The following LRRC43 variants were observed in gnomAD, a reference collection of about 807,000 sequenced individuals.
LRRC43 encodes the protein leucine rich repeat containing 43, also known as leucine-rich repeat-containing protein 43.
Under a neutral mutation model 64.3 loss-of-function variants are expected in LRRC43, and 62 were observed. That is an observed-to-expected ratio of 0.96 (90% CI 0.79 to 1.19). The LOEUF (loss-of-function observed/expected upper bound fraction) is 1.19. Among genes scored for constraint, LRRC43 ranks in the 50% most tolerant of loss-of-function variants. The probability of loss-of-function intolerance (pLI) is 0.00; values close to 1 mark genes in which losing one functional copy is unlikely to be tolerated. For synonymous variants in LRRC43, 422 were observed against 382.3 expected (o/e 1.10, Z -1.21); for missense variants, 868 against 845.0 (o/e 1.03, Z -0.34).
chr12:122,191,835 G>A (rs1474294978), intron 6 of LRRC43, among the ~76,000 whole-genome samples: 2 of 152,000 alleles, frequency 1.3e-5, no homozygotes, highest in African/African-American at 4.8e-5. Context: ...TGTATTTTTA[G>A]TAGAGATGAG....
At chr12:122,199,922 C>T (rs144052996) in intron 7 of LRRC43, among the ~76,000 whole-genome samples, 284 of 152,320 alleles carry the variant, frequency 1.9e-3, no homozygotes, top group African/African-American at 5.9e-3. Context: ...TGCTGCCTTT[C>T]GGTTGGTTTC....
chr12:122,183,205 C>A lies in LRRC43; in HGVS notation c.61C>A (p.Arg21=). 6.4e-7 allele frequency: 1 copy of A among 1,562,624 alleles called. No homozygotes were observed. The highest frequency in any genetic ancestry group is 1.4e-5 in the African/African-American group (1 of 72,200). ...SESEAGPGTQ[R]PGTGTVSAAV... ...GTCTGAGGCCGGGCCTGGGACTCAG[C>A]GGCCCGGGACCGGGACCGTGAGCGC... Residue 21 remains arginine (R), a synonymous_variant, in exon 1 of 12, where the codon CGG becomes AGG. Transcript: ENST00000339777.
chr12:122,188,398 T>C (rs1953672888), intron 4 of LRRC43, among the ~76,000 whole-genome samples: 2 of 149,954 alleles, frequency 1.3e-5, no homozygotes, highest in Non-Finnish European at 1.5e-5. Flanking sequence ...TGAGCCACTG[T>C]GCCCGGCCTA....
chr12:122,177,449 T>C (rs1953545632), intron 1 of LRRC43, among the ~76,000 whole-genome samples: 1 of 151,436 alleles, frequency 6.6e-6, no homozygotes, highest in African/African-American at 2.4e-5. Context: ...ATGCTAGACT[T>C]TGACCTACAA....
chr12:122,201,757 A>C (rs772290854), intron 11 of LRRC43, among the ~76,000 whole-genome samples: 72 of 152,278 alleles, frequency 4.7e-4, no homozygotes, highest in South Asian at 8.3e-4. Flanking sequence ...AGGGAGAGAA[A>C]GGAGACAGGG....
intron 1 of LRRC43, 113 bp downstream of exon 1, chr12:122,183,407 G>A (rs960324334): frequency 4.1e-6 from 5 of 1,217,146 alleles, no homozygotes; most frequent in Non-Finnish European, 4.3e-6. Flanking sequence ...CATTCTGGGG[G>A]CCGCCGACAT....
chr12:122,203,113 G>A (rs1953862527), intron 11 of LRRC43, among the ~76,000 whole-genome samples: 1 of 152,150 alleles, frequency 6.6e-6, no homozygotes, highest in Non-Finnish European at 1.5e-5. Flanking sequence ...AGCCAGTCTT[G>A]CAACTCAAAC....
chr12:122,200,407 C>T lies in LRRC43; in HGVS notation c.1491+77C>T. 6.2e-7 allele frequency: 1 copy of T among 1,607,526 alleles called. No homozygotes were observed. The highest frequency in any genetic ancestry group is 8.5e-7 in the Non-Finnish European group (1 of 1,176,318). On this transcript the variant is annotated intron_variant, in intron 8 of 11. Transcript: ENST00000339777. This position sits in a 1 kb window ranked among gnomAD's most constrained non-coding sequence, Gnocchi z 4.6. ...TGTTCCTGTTCCCATCGGGCTGTCC[C>T]CCATGGGAGCCGCACTCCCTGGTTA...
intron 4 of LRRC43, among the ~76,000 whole-genome samples, chr12:122,189,828 G>A (rs754984833): frequency 1.3e-5 from 2 of 152,244 alleles, no homozygotes; most frequent in Non-Finnish European, 2.9e-5. Flanking sequence ...CACGCAGTGC[G>A]CGAGGCTCTG....
Position 122,172,610 on chromosome 12 carries a change from G to T in LRRC43, c.-406+4828G>T, listed in dbSNP as rs1341248772. 4 of 1,614,050 alleles carry T rather than the reference G, an allele frequency of 2.5e-6. No individual in the cohort carries two copies. The African/African-American group carries it at 4.0e-5, about 16-fold the overall frequency. On this transcript the variant is annotated intron_variant, in intron 1 of 5. Coordinates refer to the LRRC43 transcript ENST00000537729. ...TGATCTCATCAATAACAGATTTGTT[G>T]TCTAGCTGTCTGATTGTCTTGAGAT...
chr12:122,174,803 A>C (rs10847385), intron 1 of LRRC43, among the ~76,000 whole-genome samples: 30,914 of 151,192 alleles, frequency 0.2, 3,293 homozygotes, highest in Admixed American at 0.27. Context: ...AGAGACTGTG[A>C]TCCAGAGTTA....
At chr12:122,186,777 G>T (rs966122785) in intron 3 of LRRC43, among the ~76,000 whole-genome samples, 1 of 152,170 alleles carries the variant, frequency 6.6e-6, no homozygotes, top group Non-Finnish European at 1.5e-5. Flanking sequence ...AAATTAGCCG[G>T]GTGTGGTGGC....
chr12:122,194,342 T>G (rs1326832552), intron 7 of LRRC43, among the ~76,000 whole-genome samples: 6 of 149,442 alleles, frequency 4.0e-5, no homozygotes, highest in Non-Finnish European at 7.4e-5. Flanking sequence ...GAGGCTGAGG[T>G]GGACAGATCA....
chr12:122,194,043 T>G (rs1374046728), intron 7 of LRRC43, among the ~76,000 whole-genome samples: 1 of 152,212 alleles, frequency 6.6e-6, no homozygotes, highest in Non-Finnish European at 1.5e-5. Context: ...GCTCCATTCC[T>G]TCTCTCTTTT....
intron 1 of LRRC43, chr12:122,172,744 G>C: frequency 6.3e-7 from 1 of 1,599,266 alleles, no homozygotes; most frequent in Non-Finnish European, 8.5e-7. Flanking sequence ...TCCTCCACCT[G>C]TGGAATGAGG....
At chr12:122,189,127 G>A (rs1953682794) in intron 4 of LRRC43, among the ~76,000 whole-genome samples, 2 of 152,162 alleles carry the variant, frequency 1.3e-5, no homozygotes, top group Admixed American at 6.5e-5. Flanking sequence ...TCCTGGACCT[G>A]AGGGGTAGGA....
At chr12:122,194,045 C>T (rs1442970069) in intron 7 of LRRC43, among the ~76,000 whole-genome samples, 2 of 152,152 alleles carry the variant, frequency 1.3e-5, no homozygotes, top group East Asian at 3.8e-4. Flanking sequence ...TCCATTCCTT[C>T]TCTCTTTTTT....
chr12:122,189,893 G>A (rs1181776513), intron 4 of LRRC43, among the ~76,000 whole-genome samples: 3 of 152,256 alleles, frequency 2.0e-5, no homozygotes, highest in Admixed American at 6.5e-5. Context: ...AAGGGAGGTC[G>A]GTGGGGGCGT....
Position 122,203,370 on chromosome 12 carries a change from G to A in LRRC43, c.1899G>A (p.Leu633=). The change falls in exon 12 of 12, where the codon CTG becomes CTA. Residue 633 remains leucine, a synonymous_variant. Coordinates refer to ENST00000339777, the MANE Select transcript of LRRC43 (RefSeq NM_001098519.2). ...AAGGCGATTACCACCCTGAGCCCCT[G>A]ACCGTAGAGGTGCAGATCCAGCTGA... The part of the protein sequence containing the change: ...IYEGDYHPEP[L]TVEVQIQLNQ... 1 of 1,613,484 alleles carries A rather than the reference G, an allele frequency of 6.2e-7. No individual in the cohort carries two copies. Among genetic ancestry groups the A allele is most frequent in the East Asian group, 2.2e-5 (1 of 44,864 alleles).
Sources: allele counts gnomAD v4.1 joint callset (sites outside exome capture counted in the v4.1 genomes callset), GRCh38; gene constraint gnomAD v4.1.1; non-coding constraint Gnocchi (gnomAD v3.1); transcripts MANE v1.5; gene names NCBI Gene and HGNC (gene_info 2026-07-23, HGNC 2026-07-21).